CRTC2: variants seen among roughly 807,000 people sequenced by gnomAD.
The protein encoded by CRTC2 is CREB regulated transcription coactivator 2.
A neutral mutation model predicts 70.9 loss-of-function variants in CRTC2; 25 were observed. That is an observed-to-expected ratio of 0.35 (90% CI 0.26 to 0.49). CRTC2 has a LOEUF of 0.49. Ranked by LOEUF, CRTC2 falls within the 20% of genes least tolerant of loss-of-function variation. The pLI is 0.98. For synonymous variants in CRTC2, 330 were observed against 364.1 expected (o/e 0.91, Z 1.07); for missense variants, 737 against 882.6 (o/e 0.83, Z 2.09).
chr1:153,958,249 G>A, intron 1 of CRTC2, 96 bp downstream of exon 1: 2 of 1,511,504 alleles, frequency 1.3e-6, no homozygotes, highest in Non-Finnish European at 1.8e-6. Context: ...GCTCTGTTCC[G>A]CCTCCTTCGC....
intron 1 of CRTC2, among the ~76,000 whole-genome samples, chr1:153,957,682 G>A (rs1292366929): frequency 1.3e-5 from 2 of 152,134 alleles, no homozygotes; most frequent in Non-Finnish European, 2.9e-5. Context: ...ACTTATGGTC[G>A]GACGGTTACC....
chr1:153,955,596 T>C (rs1185587398), intron 1 of CRTC2, among the ~76,000 whole-genome samples: 4 of 143,608 alleles, frequency 2.8e-5, no homozygotes, highest in Non-Finnish European at 4.5e-5. Context: ...AAGGATCACT[T>C]CAGCCCAGGA....
At position 153,952,175 on chromosome 1, in the gene CRTC2, G is replaced by A. The variant is rs767232956; in HGVS notation, c.840C>T (p.Asn280=). 1.6e-5 allele frequency: 26 copies of A among 1,613,892 alleles called. No homozygotes were observed. In the East Asian group the frequency reaches 2.7e-4, roughly 17 times the overall value. The change falls in exon 10 of 14, where the codon AAC becomes AAT. Residue 280 remains asparagine (N), a synonymous_variant. Coordinates refer to ENST00000368633, the MANE Select transcript of CRTC2 (RefSeq NM_181715.3). ...TGGGCAGTGGTGGGGGAAAGTGCAGGTTGGTGAGGTCAGGTAGGGAGCCCC... is the reference window on the plus strand; with the variant it reads ...TGGGCAGTGGTGGGGGAAAGTGCAGATTGGTGAGGTCAGGTAGGGAGCCCC... ...NTGGSLPDLT[N]LHFPPPLPTP...
Position 153,947,940 on chromosome 1 carries a change from A to AG in CRTC2, c.*168dup, listed in dbSNP as rs1217884944. On this transcript the variant is annotated 3_prime_UTR_variant, in exon 14 of 14. Coordinates refer to ENST00000368633, the MANE Select transcript of CRTC2 (RefSeq NM_181715.3). ...CAGGCCCATCCCTTGCGCAGAATTC[A>AG]GGGGCCACCTGGACAAACCCCTTGC... The AG allele has an allele frequency of 2.8e-6, 2 of 715,242 alleles. No homozygotes were observed. Among genetic ancestry groups the AG allele is most frequent in the African/African-American group, 3.5e-5 (2 of 56,370 alleles). 44.3% of individuals were successfully genotyped at this position (715,242 alleles called of 1,614,324 possible). A position where few individuals can be genotyped will look rare whatever the true frequency, so the allele number is the denominator to read the frequency against.
intron 1 of CRTC2, among the ~76,000 whole-genome samples, chr1:153,957,097 G>A (rs547079063): frequency 2.6e-5 from 4 of 152,168 alleles, no homozygotes; most frequent in Admixed American, 2.6e-4. Flanking sequence ...GCACACACAT[G>A]CATTTAAGTG....
Position 153,952,418 on chromosome 1 carries a change from G to C in CRTC2, c.731C>G (p.Ser244Cys). ...TTACTTAATTCCAGGGACTTCACAG[G>C]ACCGAGGTCGGGAAGAGGATGAGGA... is the stretch of plus-strand genomic sequence containing the variant. Reference protein sequence around the residue: ...KLSSSSSRPRSCEVPGINIFP... With the variant: ...KLSSSSSRPRCCEVPGINIFP... Residue 244 changes from serine (S) to cysteine (C), a missense_variant, in exon 9 of 14, where the codon TCC becomes TGC. Around this residue, in one of 3 missense-constraint regions of CRTC2, gnomAD observed 699 missense variants for 823.7 expected, o/e 0.85. Transcript: ENST00000368633. 1 of 1,614,212 alleles carries C rather than the reference G, an allele frequency of 6.2e-7. No individual in the cohort carries two copies. Among genetic ancestry groups the C allele is most frequent in the South Asian group, 1.1e-5 (1 of 91,082 alleles).
chr1:153,952,224 A>T lies in CRTC2; in HGVS notation c.791T>A (p.Val264Asp), dbSNP rs1353237065. ...PSPDQPANVP[V>D]LPPAMNTGGS... is the part of the protein sequence containing the mutation. ...CCCCGTGTTCATGGCAGGTGGGAGG[A>T]CAGGCACATTGGCAGGCTGGTCAGG... The change falls in exon 10 of 14, where the codon GTC (valine) becomes GAC (aspartate). Residue 264 changes from valine (V) to aspartate (D), a missense_variant. By Grantham distance (152) the Val-to-Asp change is radical. This residue lies in a region of CRTC2 where 699 missense variants were observed against 823.7 expected (regional missense o/e 0.85). Coordinates refer to ENST00000368633, the MANE Select transcript of CRTC2 (RefSeq NM_181715.3). The T allele has an allele frequency of 4.3e-6, 7 of 1,611,478 alleles. No homozygotes were observed. Among genetic ancestry groups the T allele is most frequent in the African/African-American group, 1.3e-5 (1 of 74,838 alleles).
In CRTC2 at chr1:153,955,178, G is replaced by A; in HGVS notation, c.154-12C>T. The A allele has an allele frequency of 2.5e-6, 4 of 1,592,136 alleles. No individual in the cohort carries two copies. The highest frequency in any genetic ancestry group is 1.7e-6 in the Non-Finnish European group (2 of 1,160,876). On this transcript the variant is annotated splice_polypyrimidine_tract_variant and intron_variant, in intron 1 of 13. Coordinates refer to ENST00000368633, the MANE Select transcript of CRTC2 (RefSeq NM_181715.3). ...TTTTGGGCCTGTAACTGAGACATGG[G>A]GAACAAGTGGGAATGTCAGGAGGGT...
intron 11 of CRTC2, 59 bp downstream of exon 11, chr1:153,951,201 C>A: frequency 6.4e-7 from 1 of 1,570,960 alleles, no homozygotes; most frequent in Admixed American, 1.8e-5. Context: ...GGGAGGGAAA[C>A]AACATGGCAG....
chr1:153,953,251 G>C lies in CRTC2; in HGVS notation c.607+15C>G. The C allele has an allele frequency of 6.8e-7, 1 of 1,467,416 alleles. No homozygotes were observed. The allele number at this position is 1,467,416 out of a possible 1,614,324, so 90.9% of individuals were successfully genotyped here. ...GCTCCATGGTTACTCCCAACCCTGG[G>C]ACAGGGCCACTTACCCCCACGTCGG... is the stretch of plus-strand genomic sequence containing the variant. On this transcript the variant is annotated intron_variant, in intron 6 of 13. Coordinates refer to ENST00000368633, the MANE Select transcript of CRTC2 (RefSeq NM_181715.3).
chr1:153,948,870 C>A (rs777437591), intron 12 of CRTC2: 1 of 740,094 alleles, frequency 1.4e-6, no homozygotes, highest in Non-Finnish European at 2.4e-6. Context: ...AGGAAGAGAA[C>A]GGGTCAAGGC....
At chr1:153,948,839 G>A (rs891238350) in intron 12 of CRTC2, 195 bp from the exon 13 acceptor site, 1 of 756,068 alleles carries the variant, frequency 1.3e-6, no homozygotes, top group South Asian at 1.5e-5. Flanking sequence ...CGTACCTGCT[G>A]GGCCAGAGCA....
intron 11 of CRTC2, 123 bp from the exon 12 acceptor site, chr1:153,949,507 T>C (rs2102102656): frequency 1.9e-6 from 2 of 1,057,666 alleles, no homozygotes; most frequent in East Asian, 5.3e-5. Flanking sequence ...CATTCCACAT[T>C]CTCACGGGCA....
chr1:153,952,462 A>G lies in CRTC2; in HGVS notation c.703-16T>C. The G allele has an allele frequency of 6.2e-7, 1 of 1,614,048 alleles. No homozygotes were observed. The highest frequency in any genetic ancestry group is 8.5e-7 in the Non-Finnish European group (1 of 1,179,922). On this transcript the variant is annotated splice_polypyrimidine_tract_variant and intron_variant, in intron 8 of 13. Transcript: ENST00000368633. ...ATGAGGATAGCTGAGGAGAGAAGGG[A>G]GAATATGGAAAATGAGGACAGTGCT...
At chr1:153,955,538 G>A (rs1294413942) in intron 1 of CRTC2, among the ~76,000 whole-genome samples, 1 of 135,668 alleles carries the variant, frequency 7.4e-6, no homozygotes, top group Non-Finnish European at 1.5e-5. Context: ...CTGCACTGCA[G>A]CCTGGGCAAC....
In CRTC2 at chr1:153,947,893, T is replaced by TA; in HGVS notation, c.*215dup. On this transcript the variant is annotated 3_prime_UTR_variant, in exon 14 of 14. Coordinates refer to ENST00000368633, the MANE Select transcript of CRTC2 (RefSeq NM_181715.3). Reference sequence around the variant, plus strand: ...AGACGGTTCAAAGTTACAAGTGCTTTAGGCCCTCCCTTGAGTTCCCCCAGG... The same window carrying TA: ...AGACGGTTCAAAGTTACAAGTGCTTTAAGGCCCTCCCTTGAGTTCCCCCAGG... 1 of 591,316 alleles carries TA rather than the reference T, an allele frequency of 1.7e-6. No individual in the cohort carries two copies. The highest frequency in any genetic ancestry group is 3.0e-6 in the Non-Finnish European group (1 of 332,910). 36.6% of individuals were successfully genotyped at this position (591,316 alleles called of 1,614,324 possible).
rs1337265293 is a variant in CRTC2, at chr1:153,951,495, G to A, written c.1169C>T (p.Pro390Leu). 6.2e-7 allele frequency: 1 copy of A among 1,600,776 alleles called. No individual in the cohort carries two copies. The change falls in exon 11 of 14, where the codon CCC becomes CTC. Residue 390 changes from proline (P) to leucine (L), a missense_variant. This residue lies in a region of CRTC2 where 699 missense variants were observed against 823.7 expected (regional missense o/e 0.85). Transcript: ENST00000368633. ...GGAGAGAGCCGGAGCACTGAGTGAG[G>A]GGTGGCCCAGGGAGGTGGTGGGCAG... ...HVLPTTSLGHPSLSAPALSSS... is the reference protein window; with the variant it reads ...HVLPTTSLGHLSLSAPALSSS...
intron 1 of CRTC2, among the ~76,000 whole-genome samples, chr1:153,956,610 T>G (rs1680627002): frequency 6.6e-6 from 1 of 152,066 alleles, no homozygotes; most frequent in Non-Finnish European, 1.5e-5. Context: ...CTGGACCACT[T>G]GAAGACCACT....
At chr1:153,951,700 C>T in intron 10 of CRTC2, 34 bp from the exon 11 acceptor site, 1 of 1,607,230 alleles carries the variant, frequency 6.2e-7, no homozygotes, top group African/African-American at 1.3e-5. Flanking sequence ...GAGATGCCAA[C>T]ATTACTGATG....
Sources: gnomAD v4.1 joint callset for allele counts (sites outside exome capture counted in the v4.1 genomes callset) on GRCh38, gnomAD v4.1.1 for gene constraint, gnomAD v4.1.1 regional missense constraint, MANE v1.5 for transcripts, NCBI Gene and HGNC (gene_info 2026-07-23, HGNC 2026-07-21) for gene names.